The following SUPT5H variants were observed in gnomAD, a reference collection of about 807,000 sequenced individuals.
The protein encoded by SUPT5H is SPT5 homolog, DSIF elongation factor subunit.
Under a neutral mutation model 142.5 loss-of-function variants are expected in SUPT5H, and 24 were observed. The ratio of observed to expected loss-of-function variants is 0.17; its 90% confidence interval spans 0.12 to 0.24. The LOEUF is 0.24. Among genes scored for constraint, SUPT5H ranks in the 10% least tolerant of loss-of-function variants. SUPT5H has a pLI of 1.00. For synonymous variants in SUPT5H, 546 were observed against 553.0 expected, an observed-to-expected ratio of 0.99 and a Z score of 0.18; for missense variants, 893 against 1,471.8, an observed-to-expected ratio of 0.61 and a Z score of 6.43.
In SUPT5H at chr19:39,459,082, ATGG is replaced by A. The variant is rs1459445665; in HGVS notation, c.458+13_458+15del. ...TCATCTGTGGGAGAGACGTAAGGGC[ATGG>A]TGGGGGCAGGTGGGGGCAGGGAGCA... On this transcript the variant is annotated intron_variant, in intron 7 of 29. Transcript: ENST00000432763. The A allele has an allele frequency of 6.9e-6, 11 of 1,600,690 alleles. No homozygotes were observed. Among genetic ancestry groups the A allele is most frequent in the Non-Finnish European group, 9.4e-6 (11 of 1,169,240 alleles).
intron 28 of SUPT5H, chr19:39,475,225 CAAAAAAAA>C (rs57886387): frequency 0.022 from 1,781 of 81,062 alleles, 21 homozygotes; most frequent in African/African-American, 0.073. Flanking sequence ...ACTAAAAATA[CAAAAAAAA>C]AAAAAAAAAA....
intron 2 of SUPT5H, among the ~76,000 whole-genome samples, chr19:39,451,041 C>A (rs2079014688): frequency 6.6e-6 from 1 of 151,168 alleles, no homozygotes; most frequent in Non-Finnish European, 1.5e-5. Context: ...GAAGAAAATA[C>A]ACATTGAGTA....
rs1296192249 is a variant in SUPT5H, at chr19:39,461,836, A to AT, written c.624+1876_624+1877insT. On this transcript the variant is annotated intron_variant, in intron 10 of 29. Coordinates refer to ENST00000432763, the MANE Select transcript of SUPT5H (RefSeq NM_001111020.3). ...GAGACTGTCTCAAAAAAAAAAAAAA[A>AT]AAAATAATAATAATAATAATTAAAA... is the stretch of plus-strand genomic sequence containing the variant. Among the ~76,000 whole-genome samples the AT allele has an allele frequency of 5.4e-4, 77 of 143,270 alleles. 1 individual carries two copies. Among genetic ancestry groups the AT allele is most frequent in the African/African-American group, 1.7e-3 (60 of 35,038 alleles). 94.0% of individuals were successfully genotyped at this position (143,270 alleles called of 152,430 possible). A position where few individuals can be genotyped will look rare whatever the true frequency, so the allele number is the denominator to read the frequency against.
At chr19:39,457,810 C>A in intron 4 of SUPT5H, 70 bp downstream of exon 4, 1 of 1,605,274 alleles carries the variant, frequency 6.2e-7, no homozygotes, top group Non-Finnish European at 8.5e-7. Context: ...AGAGCCCATT[C>A]CCCCGACCCC....
At position 39,460,525 on chromosome 19, in the gene SUPT5H, G is replaced by A. The variant is rs372110612; in HGVS notation, c.624+565G>A. Among the ~76,000 whole-genome samples, 7 of 152,260 alleles carry A rather than the reference G, an allele frequency of 4.6e-5. No homozygotes were observed. In the South Asian group the frequency reaches 1.5e-3, roughly 32 times the overall value. ...GGCTGAGGCAGGCAGATCACTTGAG[G>A]TCAGGAGTTTGAGACCAGCCTGGCC... On this transcript the variant is annotated intron_variant, in intron 10 of 29. Coordinates refer to ENST00000432763, the MANE Select transcript of SUPT5H (RefSeq NM_001111020.3).
chr19:39,475,807 G>A (rs1188306974), intron 28 of SUPT5H: 2 of 453,960 alleles, frequency 4.4e-6, no homozygotes, highest in Non-Finnish European at 8.0e-6. Context: ...TGGGGAAGAC[G>A]CTGAGGCCAG....
At position 39,476,446 on chromosome 19, in the gene SUPT5H, T is replaced by C; in HGVS notation, c.*47T>C. 1 of 1,609,440 alleles carries C rather than the reference T, an allele frequency of 6.2e-7. No individual in the cohort carries two copies. The highest frequency in any genetic ancestry group is 8.5e-7 in the Non-Finnish European group (1 of 1,178,184). On this transcript the variant is annotated 3_prime_UTR_variant, in exon 30 of 30. Coordinates refer to ENST00000432763, the MANE Select transcript of SUPT5H (RefSeq NM_001111020.3). Reference sequence around the variant, plus strand: ...TCGTCGGATGAAGAGTGATCCTCCTTCCTTCCCTGGCCCTTGGCTGTGACA... The same window carrying C: ...TCGTCGGATGAAGAGTGATCCTCCTCCCTTCCCTGGCCCTTGGCTGTGACA...
At position 39,469,964 on chromosome 19, in the gene SUPT5H, G is replaced by A. The variant is rs1306935266; in HGVS notation, c.1375-155G>A. The A allele has an allele frequency of 2.0e-6, 2 of 976,638 alleles. No homozygotes were observed. Among genetic ancestry groups the A allele is most frequent in the Non-Finnish European group, 3.0e-6 (2 of 663,320 alleles). The allele number at this position is 976,638 out of a possible 1,614,324, so 60.5% of individuals were successfully genotyped here. A position where few individuals can be genotyped will look rare whatever the true frequency, so the allele number is the denominator to read the frequency against. ...GTCAGCTGTTTCTGGGGCAGTCTGA[G>A]GGGTCGTCCAGGTGGACTAAGGTAG... On this transcript the variant is annotated intron_variant, in intron 16 of 29. Coordinates refer to ENST00000432763, the MANE Select transcript of SUPT5H (RefSeq NM_001111020.3). The surrounding 1 kb of genome is among the most constrained non-coding windows in gnomAD (Gnocchi z 5.1).
At chr19:39,454,025 A>T (rs2079054480) in intron 3 of SUPT5H, among the ~76,000 whole-genome samples, 1 of 152,204 alleles carries the variant, frequency 6.6e-6, no homozygotes, top group Admixed American at 6.5e-5. Flanking sequence ...TTTGGTGCAT[A>T]TGTTTCTTTG....
chr19:39,464,816 G>T lies in SUPT5H; in HGVS notation c.643G>T (p.Val215Leu). Reference sequence around the variant, plus strand: ...CCTGCAGCCCCTGCAGATCAAGTCAGTAGTGGCACCAGAGCATGTGAAGGG... The same window carrying T: ...CCTGCAGCCCCTGCAGATCAAGTCATTAGTGGCACCAGAGCATGTGAAGGG... Reference protein sequence around the residue: ...FTDTPLQIKSVVAPEHVKGYI... With the variant: ...FTDTPLQIKSLVAPEHVKGYI... Residue 215 changes from valine to leucine, a missense_variant, in exon 11 of 30, where the codon GTA becomes TTA. Physicochemically the swap from Val to Leu is conservative, Grantham distance 32. This residue lies in a region of SUPT5H where 428 missense variants were observed against 763.5 expected (regional missense o/e 0.56). Coordinates refer to ENST00000432763, the MANE Select transcript of SUPT5H (RefSeq NM_001111020.3). 2.5e-6 allele frequency: 4 copies of T among 1,611,542 alleles called. No homozygotes were observed. Among genetic ancestry groups the T allele is most frequent in the Non-Finnish European group, 3.4e-6 (4 of 1,177,924 alleles).
intron 3 of SUPT5H, among the ~76,000 whole-genome samples, chr19:39,457,141 G>C (rs2079101089): frequency 6.6e-6 from 1 of 152,160 alleles, no homozygotes; most frequent in African/African-American, 2.4e-5. Flanking sequence ...TGAGTCTGTG[G>C]GCAAGTTCCT....
At chr19:39,459,411 C>T (rs1416104350) in intron 8 of SUPT5H, 148 bp from the exon 9 acceptor site, 2 of 1,328,218 alleles carry the variant, frequency 1.5e-6, no homozygotes, top group Admixed American at 3.6e-5. Flanking sequence ...TCTCTTTCCT[C>T]TTGCTCCTGG....
chr19:39,476,670 A>AGTGC (rs1164949022), downstream of SUPT5H: 34 of 342,952 alleles, frequency 9.9e-5, 2 homozygotes, highest in African/African-American at 5.9e-4. Flanking sequence ...TTGGTCTAAA[A>AGTGC]GTGCGTGTGT....
At chr19:39,449,637 GGTTA>G (rs1329557528) in intron 2 of SUPT5H, among the ~76,000 whole-genome samples, 1 of 151,778 alleles carries the variant, frequency 6.6e-6, no homozygotes, top group Non-Finnish European at 1.5e-5. Context: ...GGAGGAGGAA[GGTTA>G]GTTTGGTTTT....
At position 39,474,503 on chromosome 19, in the gene SUPT5H, T is replaced by C. The variant is rs1199273241; in HGVS notation, c.2821-12T>C. The C allele has an allele frequency of 6.2e-7, 1 of 1,613,770 alleles. No individual in the cohort carries two copies. Among genetic ancestry groups the C allele is most frequent in the South Asian group, 1.1e-5 (1 of 91,062 alleles). On this transcript the variant is annotated splice_polypyrimidine_tract_variant and intron_variant, in intron 27 of 29. Coordinates refer to ENST00000432763, the MANE Select transcript of SUPT5H (RefSeq NM_001111020.3). The surrounding 1 kb of genome is among the most constrained non-coding windows in gnomAD (Gnocchi z 6.5). The stretch of plus-strand genomic sequence containing the variant: ...TGACTATTCCCAATGACACTTCCTC[T>C]TTCCCCTGCAGGCTAGCCCCAGCCC...
rs2146093737 is a variant in SUPT5H at position 39,458,595 on chromosome 19, T to A, written c.320-223T>A. On this transcript the variant is annotated intron_variant, in intron 5 of 29. Coordinates refer to ENST00000432763, the MANE Select transcript of SUPT5H (RefSeq NM_001111020.3). This position sits in a 1 kb window ranked among gnomAD's most constrained non-coding sequence, Gnocchi z 4.2. ...GCCTGGACTTTGAGATGGGAACAGCTGGAAGCCCCCCAACTTGCTGGGCCC... is the reference window on the plus strand; with the variant it reads ...GCCTGGACTTTGAGATGGGAACAGCAGGAAGCCCCCCAACTTGCTGGGCCC... The A allele has an allele frequency of 4.3e-6, 3 of 697,510 alleles. No homozygotes were observed. The East Asian group carries it at 8.1e-5, about 19-fold the overall frequency. 43.2% of individuals were successfully genotyped at this position (697,510 alleles called of 1,614,324 possible). A position where few individuals can be genotyped will look rare whatever the true frequency, so the allele number is the denominator to read the frequency against.
At chr19:39,453,726 G>A (rs984890358) in intron 3 of SUPT5H, among the ~76,000 whole-genome samples, 1 of 152,100 alleles carries the variant, frequency 6.6e-6, no homozygotes, top group African/African-American at 2.4e-5. Flanking sequence ...CACCACGCCC[G>A]GCTAATTTTT....
chr19:39,450,422 C>T (rs2079006853), intron 2 of SUPT5H, among the ~76,000 whole-genome samples: 1 of 152,170 alleles, frequency 6.6e-6, no homozygotes, highest in Admixed American at 6.5e-5. Context: ...ATTACAGGCG[C>T]ATGCCACTGC....
At chr19:39,471,778 T>C in intron 20 of SUPT5H, 48 bp downstream of exon 20, 1 of 1,580,452 alleles carries the variant, frequency 6.3e-7, no homozygotes, top group South Asian at 1.2e-5. Flanking sequence ...CTGGCTCAGC[T>C]CTCCAAGCCT....
Sources: gnomAD v4.1 joint callset for allele counts (sites outside exome capture counted in the v4.1 genomes callset) on GRCh38, gnomAD v4.1.1 for gene constraint, gnomAD v4.1.1 regional missense constraint, Gnocchi (gnomAD v3.1) non-coding constraint, MANE v1.5 for transcripts, NCBI Gene and HGNC (gene_info 2026-07-23, HGNC 2026-07-21) for gene names.